Variants in LINC00632 observed in about 807,000 individuals in gnomAD.
LINC00632 encodes ALDOA related specific transcript.
intron 2 of LINC00632, among the ~76,000 whole-genome samples, chrX:140,728,240 CAAA>C (rs1200284527): frequency 8.2e-5 from 5 of 60,664 alleles, no homozygotes; most frequent in Non-Finnish European, 9.8e-5. Flanking sequence ...AACTCTGTCT[CAAA>C]AAAAAAAAAA....
chrX:140,760,084 C>T (rs1444577317), intron 3 of LINC00632, among the ~76,000 whole-genome samples: 1 of 111,909 alleles, frequency 8.9e-6, no homozygotes, highest in African/African-American at 3.3e-5. Flanking sequence ...GATACTCAGA[C>T]TAGTAACAGC....
exon 5 of LINC00632, among the ~76,000 whole-genome samples, chrX:140,785,184 T>TAATATA (rs1556030720): frequency 1.7e-4 from 18 of 104,793 alleles, no homozygotes; most frequent in African/African-American, 5.5e-4. Flanking sequence ...ATAATAATAA[T>TAATATA]ATAATAATAA....
exon 5 of LINC00632, among the ~76,000 whole-genome samples, chrX:140,780,920 G>C (rs1931924606): frequency 9.1e-6 from 1 of 110,128 alleles, no homozygotes. Flanking sequence ...AAGTGTTTTA[G>C]CTTGGGGTAT....
chrX:140,725,701 C>T (rs908095628), intron 2 of LINC00632, among the ~76,000 whole-genome samples: 5 of 111,821 alleles, frequency 4.5e-5, no homozygotes, highest in Admixed American at 2.9e-4. Flanking sequence ...CCCAGCCTTA[C>T]GCCATGATAT....
intron 3 of LINC00632, among the ~76,000 whole-genome samples, chrX:140,746,901 T>C (rs1931334267): frequency 8.9e-6 from 1 of 111,816 alleles, no homozygotes; most frequent in Admixed American, 9.6e-5. Context: ...GTATCTACCT[T>C]ACAAACTGCA....
At chrX:140,713,717 C>T (rs1324326246) in intron 2 of LINC00632, 8 of 339,365 alleles carry the variant, frequency 2.4e-5, no homozygotes, top group Non-Finnish European at 4.1e-5. Context: ...AGATGTTCCC[C>T]AGAACACATG....
exon 5 of LINC00632, among the ~76,000 whole-genome samples, chrX:140,780,989 T>C (rs768756785): frequency 2.7e-5 from 3 of 110,613 alleles, no homozygotes; most frequent in Non-Finnish European, 5.7e-5. Context: ...GCTGCTCAAC[T>C]GGCTTTCCTT....
intron 2 of LINC00632, among the ~76,000 whole-genome samples, chrX:140,724,815 TAC>T (rs1217264220): frequency 5.4e-5 from 1 of 18,403 alleles, no homozygotes; most frequent in African/African-American, 2.5e-4. Flanking sequence ...ACACATTCCA[TAC>T]ACACACGCAC....
exon 5 of LINC00632, chrX:140,782,568 A>G (rs777220070): frequency 6.3e-5 from 7 of 111,873 alleles, no homozygotes; most frequent in Non-Finnish European, 9.4e-5. Flanking sequence ...TCTCCTATAT[A>G]CAGGTCTTCT....
intron 2 of LINC00632, among the ~76,000 whole-genome samples, chrX:140,731,897 T>C (rs907384300): frequency 7.2e-5 from 8 of 111,117 alleles, no homozygotes; most frequent in African/African-American, 2.6e-4. Context: ...ACTTAAATGA[T>C]GACACACTCA....
At chrX:140,763,905 G>A (rs755723221) in intron 3 of LINC00632, among the ~76,000 whole-genome samples, 1 of 111,490 alleles carries the variant, frequency 9.0e-6, no homozygotes, top group Non-Finnish European at 1.9e-5. Context: ...AGAAATTTGA[G>A]GTCTTATAAA....
chrX:140,733,081 G>A (rs745766063), intron 2 of LINC00632, among the ~76,000 whole-genome samples: 43 of 112,272 alleles, frequency 3.8e-4, no homozygotes, highest in Non-Finnish European at 7.5e-4. Flanking sequence ...GACTTTTAAC[G>A]TGTCCTTGTC....
At chrX:140,724,941 CAG>C (rs1320938046) in intron 2 of LINC00632, among the ~76,000 whole-genome samples, 4 of 78,105 alleles carry the variant, frequency 5.1e-5, no homozygotes, top group African/African-American at 2.0e-4. Flanking sequence ...TATACACACA[CAG>C]ACTCATTCCA....
chrX:140,748,534 C>T (rs983341382), intron 3 of LINC00632, among the ~76,000 whole-genome samples: 1 of 111,047 alleles, frequency 9.0e-6, no homozygotes, highest in Non-Finnish European at 1.9e-5. Flanking sequence ...CCATTTTATT[C>T]AGACAATGAA....
chrX:140,714,280 C>T (rs1035437694), intron 2 of LINC00632: 9 of 134,359 alleles, frequency 6.7e-5, no homozygotes, highest in Non-Finnish European at 1.3e-4. Flanking sequence ...CCTCAGGACA[C>T]AGACTTGCCC....
chrX:140,773,823 T>A (rs748892649), exon 4 of LINC00632, among the ~76,000 whole-genome samples: 3 of 112,105 alleles, frequency 2.7e-5, no homozygotes, highest in Non-Finnish European at 5.6e-5. Flanking sequence ...TGTACTGTGC[T>A]CTGCATGTAT....
chrX:140,713,902 C>T (rs751837662), intron 2 of LINC00632: 17 of 273,618 alleles, frequency 6.2e-5, no homozygotes, highest in East Asian at 5.1e-4. Context: ...CCACATCACA[C>T]GAACCCATTT....
At chrX:140,746,201 C>T in intron 3 of LINC00632, among the ~76,000 whole-genome samples, 1 of 112,123 alleles carries the variant, frequency 8.9e-6, no homozygotes, top group Non-Finnish European at 1.9e-5. Context: ...TAATCTTTTT[C>T]GTGTTGAAAA....
At chrX:140,730,160 A>C (rs1931035208) in intron 2 of LINC00632, among the ~76,000 whole-genome samples, 1 of 110,772 alleles carries the variant, frequency 9.0e-6, no homozygotes, top group African/African-American at 3.3e-5. Flanking sequence ...CAGGCATGAG[A>C]CACTGCACCT....
Sources: gnomAD v4.1 joint callset for allele counts (sites outside exome capture counted in the v4.1 genomes callset) on GRCh38, gnomAD v4.1.1 for gene constraint, MANE v1.5 for transcripts, NCBI Gene and HGNC (gene_info 2026-07-23, HGNC 2026-07-21) for gene names.